RCC1: variants seen among roughly 807,000 people sequenced by gnomAD.
The protein encoded by RCC1 is regulator of chromosome condensation.
A neutral mutation model predicts 44.4 loss-of-function variants in RCC1; 11 were observed. That is an observed-to-expected ratio of 0.25 (90% CI 0.16 to 0.41). The LOEUF (loss-of-function observed/expected upper bound fraction) is 0.41. RCC1 is among the 10% of genes least tolerant of loss of function. The probability of loss-of-function intolerance (pLI) is 1.00; values close to 1 mark genes in which losing one functional copy is unlikely to be tolerated. For synonymous variants in RCC1, 213 were observed against 216.5 expected (o/e 0.98, Z 0.14); for missense variants, 386 against 547.1 (o/e 0.71, Z 2.94).
chr1:28,508,196 CTCTT>C (rs748313968), intron 2 of RCC1, 36 bp downstream of exon 2: 61 of 430,380 alleles, frequency 1.4e-4, no homozygotes, highest in Non-Finnish European at 2.4e-4. Flanking sequence ...TGCTTATCAG[CTCTT>C]TGTCAATGAT....
At position 28,537,002 on chromosome 1, in the gene RCC1, TAC is replaced by T. The variant is rs765807882; in HGVS notation, c.1090+105_1090+106del. 5.7e-4 allele frequency: 738 copies of T among 1,305,926 alleles called. 3 individuals are homozygous for T. The highest frequency in any genetic ancestry group is 3.0e-4 in the Non-Finnish European group (279 of 932,998). 80.9% of individuals were successfully genotyped at this position (1,305,926 alleles called of 1,614,324 possible). On this transcript the variant is annotated intron_variant, in intron 12 of 12. Transcript: ENST00000683442. Reference sequence around the variant, plus strand: ...ATGTCCACTCTCGGGGGAGCCGAGGTACAGAGAGCAGTGTTTGTGATGGCACT... The same window carrying T: ...ATGTCCACTCTCGGGGGAGCCGAGGTAGAGAGCAGTGTTTGTGATGGCACT...
At chr1:28,530,558 G>T (rs779465868) in intron 5 of RCC1, 2 of 1,606,022 alleles carry the variant, frequency 1.2e-6, no homozygotes, top group South Asian at 1.1e-5. Context: ...CGTTCCTGGC[G>T]CCCGCTCCTG....
intron 4 of RCC1, among the ~76,000 whole-genome samples, chr1:28,520,606 G>A (rs1484366541): frequency 6.6e-6 from 1 of 152,156 alleles, no homozygotes; most frequent in Non-Finnish European, 1.5e-5. Flanking sequence ...GCATTCAGGA[G>A]TGCCTGATGG....
At chr1:28,527,323 T>C in intron 4 of RCC1, 1 of 533,016 alleles carries the variant, frequency 1.9e-6, no homozygotes. Flanking sequence ...CAATTTAGCC[T>C]CAGCCTCCCA....
At chr1:28,537,710 G>A in intron 12 of RCC1, 122 bp from the exon 13 acceptor site, 1 of 962,632 alleles carries the variant, frequency 1.0e-6, no homozygotes, top group Non-Finnish European at 1.5e-6. Context: ...CCAGAGTCTG[G>A]TACCTTGCCA....
chr1:28,512,802 T>G (rs575626493), intron 3 of RCC1, among the ~76,000 whole-genome samples: 57 of 152,258 alleles, frequency 3.7e-4, no homozygotes, highest in Middle Eastern at 3.4e-3. Context: ...AATCTATCCT[T>G]GCTAGTTTCT....
chr1:28,529,585 C>T (rs75445327), intron 4 of RCC1, among the ~76,000 whole-genome samples: 42 of 152,130 alleles, frequency 2.8e-4, no homozygotes, highest in African/African-American at 8.9e-4. Context: ...TCATACTGTT[C>T]TATCATGAAT....
intron 3 of RCC1, among the ~76,000 whole-genome samples, chr1:28,514,157 A>C (rs1262736208): frequency 7.0e-6 from 1 of 143,772 alleles, no homozygotes; most frequent in African/African-American, 2.5e-5. Flanking sequence ...ACTCCGTCTC[A>C]AAAAAAAAAA....
At chr1:28,535,721 T>C in intron 9 of RCC1, 150 bp from the exon 10 acceptor site, 1 of 899,398 alleles carries the variant, frequency 1.1e-6, no homozygotes, top group Non-Finnish European at 1.8e-6. Context: ...TTGTATTCTC[T>C]TGATCTCAGT....
intron 3 of RCC1, chr1:28,510,983 T>G (rs1275089275): frequency 6.6e-6 from 1 of 152,208 alleles, no homozygotes; most frequent in Non-Finnish European, 1.5e-5. Flanking sequence ...TTCTATTGAC[T>G]TGCAAGGTAG....
intron 2 of RCC1, 149 bp from the exon 3 acceptor site, chr1:28,508,681 C>G (rs746231307): frequency 5.8e-6 from 3 of 518,910 alleles, no homozygotes; most frequent in African/African-American, 1.9e-5. Flanking sequence ...AGCTGGGCCT[C>G]GTGTCTGCGC....
intron 4 of RCC1, among the ~76,000 whole-genome samples, chr1:28,521,414 T>G (rs1321969117): frequency 6.9e-6 from 1 of 145,298 alleles, no homozygotes; most frequent in African/African-American, 2.6e-5. Context: ...GGCAGGAGAA[T>G]GGCGTGAACC....
At position 28,513,585 on chromosome 1, in the gene RCC1, CTT is replaced by C. The variant is rs563107845; in HGVS notation, c.-152-3130_-152-3129del. Among the ~76,000 whole-genome samples the C allele has an allele frequency of 4.1e-5, 6 of 146,682 alleles. No individual in the cohort carries two copies. The Admixed American group carries it at 4.1e-4, about 10-fold the overall frequency. ...TTAATTGGAGTGTTTAGGCTATTTA[CTT>C]TTTTTTTTTAAGACAGGGTCTCACT... On this transcript the variant is annotated intron_variant, in intron 3 of 12. Transcript: ENST00000683442.
Position 28,536,410 on chromosome 1 carries a change from G to A in RCC1, c.937+29G>A, listed in dbSNP as rs768095611. On this transcript the variant is annotated intron_variant, in intron 11 of 12. Coordinates refer to ENST00000683442, the MANE Select transcript of RCC1 (RefSeq NM_001381865.2). The surrounding 1 kb of genome is among the most constrained non-coding windows in gnomAD (Gnocchi z 4.9). ...GGGCCTTTACGTCCTTCTCTAGTTTGGGGGTGGAGTGTTCCCTGGCCTAGG... is the reference window on the plus strand; with the variant it reads ...GGGCCTTTACGTCCTTCTCTAGTTTAGGGGTGGAGTGTTCCCTGGCCTAGG... The A allele has an allele frequency of 6.2e-7, 1 of 1,607,382 alleles. No individual in the cohort carries two copies. The highest frequency in any genetic ancestry group is 1.7e-5 in the Admixed American group (1 of 59,196).
intron 2 of RCC1, chr1:28,508,438 C>T (rs1662209452): frequency 2.5e-6 from 1 of 400,370 alleles, no homozygotes; most frequent in Admixed American, 2.9e-5. Context: ...CTGTAGGAAG[C>T]CTAATTGGCT....
chr1:28,518,545 C>A (rs1663050587), intron 4 of RCC1: 1 of 148,806 alleles, frequency 6.7e-6, no homozygotes, highest in South Asian at 2.1e-4. Flanking sequence ...GAGCTAGGGC[C>A]GCGCGGCCCC....
chr1:28,509,614 A>T (rs1438857023), intron 3 of RCC1: 1 of 152,212 alleles, frequency 6.6e-6, no homozygotes, highest in African/African-American at 2.4e-5. Context: ...GTATTTATGA[A>T]TTAAAATAAA....
intron 4 of RCC1, among the ~76,000 whole-genome samples, chr1:28,528,844 C>CTTTTTTTTTTTTTTTT (rs59005617): frequency 1.1e-5 from 1 of 87,228 alleles, no homozygotes; most frequent in Non-Finnish European, 2.1e-5. Context: ...GTTTTTCTTC[C>CTTTTTTTTTTTTTTTT]TTTTTTTTTT....
Position 28,536,902 on chromosome 1 carries a change from G to A in RCC1, c.1090+3G>A, listed in dbSNP as rs1664590023. ...GGGGTATGCTGTGACCAAGGATGGT[G>A]AGTGGGGCTGCCTACACTCTGTCTA... is the stretch of plus-strand genomic sequence containing the variant. On this transcript the variant is annotated splice_donor_region_variant and intron_variant, in intron 12 of 12. Transcript: ENST00000683442. This position sits in a 1 kb window ranked among gnomAD's most constrained non-coding sequence, Gnocchi z 4.9. 5 of 1,613,912 alleles carry A rather than the reference G, an allele frequency of 3.1e-6. No homozygotes were observed. The highest frequency in any genetic ancestry group is 3.4e-6 in the Non-Finnish European group (4 of 1,179,960).
Sources: gnomAD v4.1 joint callset for allele counts (sites outside exome capture counted in the v4.1 genomes callset) on GRCh38, gnomAD v4.1.1 for gene constraint, Gnocchi (gnomAD v3.1) non-coding constraint, MANE v1.5 for transcripts, NCBI Gene and HGNC (gene_info 2026-07-23, HGNC 2026-07-21) for gene names.